The following SHANK2 variants were observed in gnomAD, a reference collection of about 807,000 sequenced individuals.
SHANK2 encodes SH3 and multiple ankyrin repeat domains protein 2.
In SHANK2, 43 loss-of-function variants were observed where a neutral mutation model predicts 133.7. The ratio of observed to expected loss-of-function variants is 0.32; its 90% confidence interval spans 0.25 to 0.41. The LOEUF is 0.41. Ranked by LOEUF, SHANK2 falls within the 10% of genes least tolerant of loss-of-function variation. The pLI is 1.00. For synonymous variants in SHANK2, 1,017 were observed against 952.8 expected (o/e 1.07, Z -1.24); for missense variants, 1,994 against 2,235.8 (o/e 0.89, Z 2.18).
intron 11 of SHANK2, among the ~76,000 whole-genome samples, chr11:70,829,508 C>T (rs1262758923): frequency 6.6e-6 from 1 of 152,140 alleles, no homozygotes; most frequent in Non-Finnish European, 1.5e-5. Context: ...CTGCCCCGCC[C>T]ACCCCCACCC....
At chr11:70,818,459 G>C (rs1241798743) in intron 12 of SHANK2, among the ~76,000 whole-genome samples, 2 of 152,214 alleles carry the variant, frequency 1.3e-5, no homozygotes, top group Middle Eastern at 6.3e-3. Context: ...CTAGTCTGCA[G>C]CCAGCTCAAG....
intron 10 of SHANK2, among the ~76,000 whole-genome samples, chr11:70,937,949 C>CTG (rs35625357): frequency 6.0e-5 from 9 of 151,150 alleles, no homozygotes; most frequent in Non-Finnish European, 1.3e-4. Flanking sequence ...GTGTGCATGC[C>CTG]TGTGTGTGTG....
chr11:70,495,794 C>A, intron 21 of SHANK2: 1 of 199,364 alleles, frequency 5.0e-6, no homozygotes, highest in Non-Finnish European at 1.1e-5. Context: ...ACAAAACATC[C>A]CACGGGGGCA....
chr11:71,240,199 G>A lies in SHANK2; in HGVS notation c.-113+12226C>T, dbSNP rs539122080. Among the ~76,000 whole-genome samples, 58 of 152,216 alleles carry A rather than the reference G, an allele frequency of 3.8e-4. No individual in the cohort carries two copies. In the South Asian group the frequency reaches 0.011, roughly 30 times the overall value. On this transcript the variant is annotated intron_variant, in intron 1 of 25. Transcript: ENST00000601538. Reference sequence around the variant, plus strand: ...CCAGCATAAAACCTGCTGAAAACCCGCTGCGGGACCCAGACACGGTGTATC... The same window carrying A: ...CCAGCATAAAACCTGCTGAAAACCCACTGCGGGACCCAGACACGGTGTATC...
At chr11:71,177,645 A>C (rs1438358765) in intron 2 of SHANK2, among the ~76,000 whole-genome samples, 10 of 152,264 alleles carry the variant, frequency 6.6e-5, no homozygotes, top group African/African-American at 1.9e-4. Flanking sequence ...AAATAGTAAG[A>C]TGACAGATTT....
intron 3 of SHANK2, 80 bp from the exon 4 acceptor site, chr11:71,119,112 G>T: frequency 7.9e-7 from 1 of 1,265,812 alleles, no homozygotes; most frequent in Non-Finnish European, 1.1e-6. Flanking sequence ...TGGTCAGAGA[G>T]GCAAAGCTGC....
chr11:71,224,857 A>G (rs1179293332), intron 1 of SHANK2, 61 bp from the exon 2 acceptor site: 6 of 152,236 alleles, frequency 3.9e-5, no homozygotes, highest in Admixed American at 3.9e-4. Flanking sequence ...GGCACATGTT[A>G]AAACTTCATG....
intron 11 of SHANK2, among the ~76,000 whole-genome samples, chr11:70,871,927 A>G (rs902551840): frequency 2.0e-5 from 3 of 152,216 alleles, no homozygotes; most frequent in Admixed American, 6.5e-5. Context: ...AACTACTTGA[A>G]AGGTAAACCC....
At chr11:70,858,229 A>C (rs1263697975) in intron 11 of SHANK2, among the ~76,000 whole-genome samples, 2 of 152,250 alleles carry the variant, frequency 1.3e-5, no homozygotes, top group African/African-American at 4.8e-5. Flanking sequence ...AAATGAAGTC[A>C]TCAAAATTCA....
At chr11:71,128,157 G>A (rs557143455) in intron 3 of SHANK2, among the ~76,000 whole-genome samples, 25 of 152,272 alleles carry the variant, frequency 1.6e-4, no homozygotes, top group African/African-American at 4.6e-4. Flanking sequence ...CATGAGTCTC[G>A]GCCTCTTCAC....
chr11:71,242,686 A>C (rs1285709970), intron 1 of SHANK2, among the ~76,000 whole-genome samples: 2 of 152,190 alleles, frequency 1.3e-5, no homozygotes, highest in African/African-American at 4.8e-5. Context: ...AAGGGCAGAA[A>C]TATTTGTCTG....
intron 1 of SHANK2, among the ~76,000 whole-genome samples, chr11:71,245,985 G>C (rs186122073): frequency 3.9e-5 from 6 of 152,232 alleles, no homozygotes; most frequent in South Asian, 2.1e-4. Flanking sequence ...ACATTTGTGC[G>C]GGGTGGCAGG....
Position 70,804,510 on chromosome 11 carries a change from A to C in SHANK2, c.1663+2492T>G, listed in dbSNP as rs2921330. The stretch of plus-strand genomic sequence containing the variant: ...TGTCATTTCTGTTCTCCCTGGGAGA[A>C]AGGCCCAGCTCCCCGCACGCCCCAC... On this transcript the variant is annotated intron_variant, in intron 13 of 25. Coordinates refer to ENST00000601538, the MANE Select transcript of SHANK2 (RefSeq NM_012309.5). This position sits in a 1 kb window ranked among gnomAD's most constrained non-coding sequence, Gnocchi z 4.1. Among the ~76,000 whole-genome samples the C allele has an allele frequency of 0.34, 52,103 of 152,022 alleles. 10,313 individuals carry two copies. The highest frequency in any genetic ancestry group is 0.54 in the African/African-American group (22,327 of 41,458).
intron 17 of SHANK2, among the ~76,000 whole-genome samples, chr11:70,578,560 C>T (rs2060145731): frequency 6.6e-6 from 1 of 152,198 alleles, no homozygotes; most frequent in South Asian, 2.1e-4. Flanking sequence ...CTGGTACTGA[C>T]AGTGGTTCCT....
intron 10 of SHANK2, among the ~76,000 whole-genome samples, chr11:70,917,296 T>C (rs1039001706): frequency 1.3e-5 from 2 of 151,966 alleles, no homozygotes; most frequent in Non-Finnish European, 2.9e-5. Flanking sequence ...GAAATGAAAA[T>C]CAAAACCAGA....
At chr11:70,898,760 G>A (rs1029919704) in intron 10 of SHANK2, among the ~76,000 whole-genome samples, 1 of 152,192 alleles carries the variant, frequency 6.6e-6, no homozygotes, top group East Asian at 1.9e-4. Context: ...TTGAAGATTT[G>A]GAAGATTCTC....
chr11:71,056,270 T>C (rs1279902754), intron 10 of SHANK2, among the ~76,000 whole-genome samples: 1 of 152,150 alleles, frequency 6.6e-6, no homozygotes, highest in Non-Finnish European at 1.5e-5. Context: ...TTTGCTCTAA[T>C]AGGAAGGAGC....
At chr11:70,844,117 C>A (rs1159829519) in intron 11 of SHANK2, among the ~76,000 whole-genome samples, 1 of 152,150 alleles carries the variant, frequency 6.6e-6, no homozygotes, top group Non-Finnish European at 1.5e-5. Context: ...CCACACACAC[C>A]CAGCCCTCGC....
intron 1 of SHANK2, among the ~76,000 whole-genome samples, chr11:71,235,376 C>A (rs1177018579): frequency 6.6e-6 from 1 of 151,980 alleles, no homozygotes; most frequent in Non-Finnish European, 1.5e-5. Flanking sequence ...GGTGGATCAC[C>A]TGAGGTCAGG....
Sources: gnomAD v4.1 joint callset for allele counts (sites outside exome capture counted in the v4.1 genomes callset) on GRCh38, gnomAD v4.1.1 for gene constraint, Gnocchi (gnomAD v3.1) non-coding constraint, MANE v1.5 for transcripts, NCBI Gene and HGNC (gene_info 2026-07-23, HGNC 2026-07-21) for gene names.